The following CSMD1 variants were observed in gnomAD, a reference collection of about 807,000 sequenced individuals.
The protein encoded by CSMD1 is CUB and sushi domain-containing protein 1.
Under a neutral mutation model 417.5 loss-of-function variants are expected in CSMD1, and 213 were observed. The observed-to-expected ratio is 0.51, with a 90% CI of 0.46 to 0.57. The LOEUF is 0.57. CSMD1 is among the 20% of genes least tolerant of loss of function. CSMD1 has a pLI of 0.00. For missense variants in CSMD1, 6,923 were observed against 4,529.7 expected, an observed-to-expected ratio of 1.53 and a Z score of -15.17; for synonymous variants, 2,862 against 1,736.8, an observed-to-expected ratio of 1.65 and a Z score of -16.11.
At chr8:4,718,862 A>G (rs952877815) in intron 1 of CSMD1, among the ~76,000 whole-genome samples, 1 of 152,130 alleles carries the variant, frequency 6.6e-6, no homozygotes, top group Non-Finnish European at 1.5e-5. Context: ...AAAAGTACCA[A>G]AATGTAAATG....
At chr8:4,645,068 G>A in intron 1 of CSMD1, among the ~76,000 whole-genome samples, 1 of 152,158 alleles carries the variant, frequency 6.6e-6, no homozygotes, top group East Asian at 1.9e-4. Context: ...AATTCCAAAA[G>A]CAGAGTTGCT....
intron 3 of CSMD1, among the ~76,000 whole-genome samples, chr8:4,114,441 A>T (rs754996766): frequency 6.6e-6 from 1 of 152,232 alleles, no homozygotes; most frequent in Non-Finnish European, 1.5e-5. Context: ...GTGGTTACGG[A>T]AGAGCTTGGA....
chr8:3,498,977 T>C (rs982665976), intron 10 of CSMD1, among the ~76,000 whole-genome samples: 1 of 152,304 alleles, frequency 6.6e-6, no homozygotes, highest in Admixed American at 6.5e-5. Context: ...AAAAATCATA[T>C]AGGCATTTTG....
Position 4,994,375 on chromosome 8 carries a change from G to A in CSMD1, c.42C>T (p.Leu14=), listed in dbSNP as rs951100969. The part of the protein sequence containing the change: ...WRRFQSLLLL[L]GLLVLCARLL... ...GCCTCGCGCACAGCACCAGCAGCCC[G>A]AGAAGCAGGAGCAGCGACTGGAATC... is the stretch of plus-strand genomic sequence containing the variant. Residue 14 remains leucine, a synonymous_variant, in exon 1 of 70, where the codon CTC becomes CTT. Coordinates refer to ENST00000635120, the MANE Select transcript of CSMD1 (RefSeq NM_033225.6). 1.2e-6 allele frequency: 2 copies of A among 1,611,988 alleles called. No individual in the cohort carries two copies. Among genetic ancestry groups the A allele is most frequent in the Admixed American group, 1.7e-5 (1 of 60,006 alleles).
At chr8:4,105,668 T>G (rs1482002930) in intron 3 of CSMD1, among the ~76,000 whole-genome samples, 1 of 152,150 alleles carries the variant, frequency 6.6e-6, no homozygotes, top group Non-Finnish European at 1.5e-5. Context: ...CTGACCCCAT[T>G]AGCAGGTTTA....
At chr8:3,910,554 C>G (rs1215301778) in intron 5 of CSMD1, among the ~76,000 whole-genome samples, 2 of 152,154 alleles carry the variant, frequency 1.3e-5, no homozygotes, top group African/African-American at 2.4e-5. Context: ...TTCAGAATAA[C>G]TTGAGCAGAC....
intron 3 of CSMD1, among the ~76,000 whole-genome samples, chr8:4,131,933 T>C (rs1803132963): frequency 6.6e-6 from 1 of 151,924 alleles, no homozygotes; most frequent in African/African-American, 2.4e-5. Flanking sequence ...TGGCTACTTT[T>C]TTGGTATTTT....
intron 3 of CSMD1, among the ~76,000 whole-genome samples, chr8:4,347,699 C>G (rs771647594): frequency 1.2e-4 from 19 of 152,108 alleles, no homozygotes; most frequent in Non-Finnish European, 2.4e-4. Context: ...CTACAAACAT[C>G]CCTTCTATCT....
chr8:3,036,641 A>T (rs754872013), intron 50 of CSMD1, among the ~76,000 whole-genome samples: 29 of 152,298 alleles, frequency 1.9e-4, no homozygotes, highest in Non-Finnish European at 3.8e-4. Flanking sequence ...AGTACCTTAG[A>T]AGCCTAAATA....
At chr8:4,196,485 G>C (rs968832218) in intron 3 of CSMD1, among the ~76,000 whole-genome samples, 5 of 152,102 alleles carry the variant, frequency 3.3e-5, no homozygotes, top group Admixed American at 6.5e-5. Context: ...GGTGCTTTTA[G>C]AATCCAGTTT....
intron 3 of CSMD1, among the ~76,000 whole-genome samples, chr8:4,193,597 AC>A (rs1163598827): frequency 1.1e-4 from 16 of 152,222 alleles, no homozygotes; most frequent in African/African-American, 3.9e-4. Context: ...TGAGGGTCCC[AC>A]CGGGCCCTCT....
At chr8:2,948,963 C>A (rs1215368274) in intron 68 of CSMD1, among the ~76,000 whole-genome samples, 1 of 150,886 alleles carries the variant, frequency 6.6e-6, no homozygotes, top group Non-Finnish European at 1.5e-5. Context: ...TTTAATTACT[C>A]TTACTTTTTT....
In CSMD1 at chr8:3,168,397, A is replaced by C. The variant is rs118051179; in HGVS notation, c.5726-6120T>G. On this transcript the variant is annotated intron_variant, in intron 37 of 69. Transcript: ENST00000635120. Reference sequence around the variant, plus strand: ...GCGCACAGGTATGGCACACCCTAACACAGAGGTGCTGCTCGTTATTTTTGT... The same window carrying C: ...GCGCACAGGTATGGCACACCCTAACCCAGAGGTGCTGCTCGTTATTTTTGT... Among the ~76,000 whole-genome samples the C allele has an allele frequency of 7.2e-4, 109 of 152,308 alleles. 2 individuals carry two copies. In the East Asian group the frequency reaches 0.02, roughly 28 times the overall value.
At chr8:3,834,262 C>G (rs1432213667) in intron 5 of CSMD1, among the ~76,000 whole-genome samples, 3 of 152,128 alleles carry the variant, frequency 2.0e-5, no homozygotes, top group East Asian at 1.9e-4. Flanking sequence ...ATATTCTCAT[C>G]TGTATCTAGG....
intron 23 of CSMD1, among the ~76,000 whole-genome samples, chr8:3,322,329 ATTAG>A (rs780193048): frequency 6.6e-6 from 1 of 152,188 alleles, no homozygotes; most frequent in Non-Finnish European, 1.5e-5. Context: ...ATTTTACAGT[ATTAG>A]TTAAATGACT....
chr8:3,331,883 T>C (rs1189023672), intron 23 of CSMD1, among the ~76,000 whole-genome samples: 2 of 152,204 alleles, frequency 1.3e-5, no homozygotes, highest in African/African-American at 4.8e-5. Flanking sequence ...GAGTAGAGTG[T>C]CCTGTCCTCC....
chr8:4,771,910 C>T (rs114025555), intron 1 of CSMD1, among the ~76,000 whole-genome samples: 29 of 152,328 alleles, frequency 1.9e-4, no homozygotes, highest in African/African-American at 7.0e-4. Flanking sequence ...GAATCTGCCC[C>T]TCGGCTGCTA....
intron 6 of CSMD1, among the ~76,000 whole-genome samples, chr8:3,726,189 A>G (rs13256525): frequency 0.8 from 121,709 of 152,014 alleles, 51,365 homozygotes; most frequent in South Asian, 0.93. Context: ...AGCTCTTGGA[A>G]CTCAGCCTCC....
chr8:4,272,395 C>A (rs978235164), intron 3 of CSMD1, among the ~76,000 whole-genome samples: 1 of 152,092 alleles, frequency 6.6e-6, no homozygotes, highest in South Asian at 2.1e-4. Flanking sequence ...GTTTCCAAGA[C>A]CTATAGACAA....
Sources: allele counts gnomAD v4.1 joint callset (sites outside exome capture counted in the v4.1 genomes callset), GRCh38; gene constraint gnomAD v4.1.1; transcripts MANE v1.5; gene names NCBI Gene and HGNC (gene_info 2026-07-23, HGNC 2026-07-21).